Variants in KCNMB4 observed in about 807,000 individuals in gnomAD.
KCNMB4 encodes potassium calcium-activated channel subfamily M regulatory beta subunit 4.
KCNMB4 carries 3 observed loss-of-function variants against 20.7 expected under a neutral mutation model. The ratio of observed to expected loss-of-function variants is 0.14; its 90% CI spans 0.07 to 0.37. The LOEUF is 0.37. KCNMB4 is among the 10% of genes least tolerant of loss of function. The pLI, the probability that KCNMB4 is intolerant of heterozygous loss-of-function variation, is 1.00. For synonymous variants in KCNMB4, 110 were observed against 113.4 expected, an observed-to-expected ratio of 0.97 and a Z score of 0.19; for missense variants, 168 against 265.9, an observed-to-expected ratio of 0.63 and a Z score of 2.56.
rs189837780 is a variant in KCNMB4 at position 70,377,914 on chromosome 12, T to C, written c.336+10844T>C. Among the ~76,000 whole-genome samples the C allele has an allele frequency of 9.9e-5, 15 of 152,128 alleles. No homozygotes were observed. In the East Asian group the frequency reaches 2.9e-3, roughly 29 times the overall value. On this transcript the variant is annotated intron_variant, in intron 1 of 2. Coordinates refer to ENST00000258111, the MANE Select transcript of KCNMB4 (RefSeq NM_014505.6). ...CATGGGATTCCAGAAATTCAAGCTA[T>C]ACTTCTAATTCTAGTAGAATCTCTT... is the stretch of plus-strand genomic sequence containing the variant.
chr12:70,413,442 A>G (rs1593343415), intron 2 of KCNMB4, among the ~76,000 whole-genome samples: 1 of 152,290 alleles, frequency 6.6e-6, no homozygotes, highest in South Asian at 2.1e-4. Flanking sequence ...GCATCATCAG[A>G]TGGTGGAATG....
At chr12:70,369,822 T>G (rs965803182) in intron 1 of KCNMB4, among the ~76,000 whole-genome samples, 7 of 152,228 alleles carry the variant, frequency 4.6e-5, no homozygotes, top group African/African-American at 1.4e-4. Context: ...CCTTATTGTC[T>G]AAAGCAATCA....
chr12:70,366,697 G>A lies in KCNMB4; in HGVS notation c.-38G>A. 6.8e-7 allele frequency: 1 copy of A among 1,465,794 alleles called. No homozygotes were observed. Among genetic ancestry groups the A allele is most frequent in the Non-Finnish European group, 9.0e-7 (1 of 1,106,110 alleles). 90.8% of individuals were successfully genotyped at this position (1,465,794 alleles called of 1,614,324 possible). On this transcript the variant is annotated 5_prime_UTR_variant, in exon 1 of 3. Transcript: ENST00000258111. ...GGGCTCGGCGCCGGGGGCGGGAGGGGGCGGGGGGAGCACGCCAGCCGCCGA... is the reference window on the plus strand; with the variant it reads ...GGGCTCGGCGCCGGGGGCGGGAGGGAGCGGGGGGAGCACGCCAGCCGCCGA...
At chr12:70,392,821 G>T (rs1327720582) in intron 1 of KCNMB4, among the ~76,000 whole-genome samples, 1 of 152,136 alleles carries the variant, frequency 6.6e-6, no homozygotes, top group African/African-American at 2.4e-5. Flanking sequence ...ATCACACACT[G>T]GGGCCTGTTG....
intron 2 of KCNMB4, 50 bp downstream of exon 2, chr12:70,400,386 G>A: frequency 6.4e-7 from 1 of 1,562,664 alleles, no homozygotes; most frequent in Non-Finnish European, 8.7e-7. Context: ...AGACTCTGCA[G>A]CTTATTACAC....
chr12:70,369,811 T>C (rs1883558692), intron 1 of KCNMB4, among the ~76,000 whole-genome samples: 2 of 152,220 alleles, frequency 1.3e-5, no homozygotes, highest in South Asian at 2.1e-4. Flanking sequence ...TTGAATCATA[T>C]CCTTATTGTC....
intron 1 of KCNMB4, among the ~76,000 whole-genome samples, chr12:70,372,143 G>A (rs2136114418): frequency 6.6e-6 from 1 of 152,318 alleles, no homozygotes; most frequent in African/African-American, 2.4e-5. Context: ...AAGGCCCTGT[G>A]ACAAGTGTCT....
rs532974267 is a variant in KCNMB4 at position 70,403,622 on chromosome 12, A to C, written c.464+3286A>C. On this transcript the variant is annotated intron_variant, in intron 2 of 2. Coordinates refer to ENST00000258111, the MANE Select transcript of KCNMB4 (RefSeq NM_014505.6). ...ATTACAGGCGGGAGCCTCTGTGCCC[A>C]GCTAGAGGAACTTTAAAAAAAGAAA... 4.8e-3 allele frequency among the ~76,000 whole-genome samples: 737 copies of C among 152,290 alleles called. 8 individuals carry two copies. Among genetic ancestry groups the C allele is most frequent in the African/African-American group, 0.017 (693 of 41,570 alleles).
At chr12:70,403,504 T>A (rs1868513948) in intron 2 of KCNMB4, among the ~76,000 whole-genome samples, 1 of 152,170 alleles carries the variant, frequency 6.6e-6, no homozygotes, top group African/African-American at 2.4e-5. Context: ...AGCTAATTTT[T>A]GTATTATTTA....
chr12:70,378,456 A>G (rs1000668672), intron 1 of KCNMB4, among the ~76,000 whole-genome samples: 1 of 152,198 alleles, frequency 6.6e-6, no homozygotes, highest in African/African-American at 2.4e-5. Flanking sequence ...CCTTCCAGAA[A>G]GTTTTTCATT....
At chr12:70,375,055 G>C (rs1417010182) in intron 1 of KCNMB4, among the ~76,000 whole-genome samples, 1 of 152,042 alleles carries the variant, frequency 6.6e-6, no homozygotes, top group Non-Finnish European at 1.5e-5. Context: ...ATTACCTTTT[G>C]TTTTCTCTGT....
rs948552765 is a variant in KCNMB4 at position 70,433,689 on chromosome 12, A to T, written c.*3036A>T. Reference sequence around the variant, plus strand: ...CAAAAATGATAGCAGCCAATGGCCCATGCCGTGATAATCTGCTGAGCAGGC... The same window carrying T: ...CAAAAATGATAGCAGCCAATGGCCCTTGCCGTGATAATCTGCTGAGCAGGC... On this transcript the variant is annotated 3_prime_UTR_variant, in exon 3 of 3. Coordinates refer to ENST00000258111, the MANE Select transcript of KCNMB4 (RefSeq NM_014505.6). 1 of 152,284 alleles carries T rather than the reference A, an allele frequency of 6.6e-6. No individual in the cohort carries two copies. Among genetic ancestry groups the T allele is most frequent in the Non-Finnish European group, 1.5e-5 (1 of 68,062 alleles). 9.4% of individuals were successfully genotyped at this position (152,284 alleles called of 1,614,324 possible).
chr12:70,403,862 G>A (rs1405394579), intron 2 of KCNMB4, among the ~76,000 whole-genome samples: 1 of 152,194 alleles, frequency 6.6e-6, no homozygotes, highest in Non-Finnish European at 1.5e-5. Context: ...CTTTGTTTAT[G>A]TATCTCTAAT....
At chr12:70,377,466 A>G (rs1194993983) in intron 1 of KCNMB4, among the ~76,000 whole-genome samples, 1 of 152,240 alleles carries the variant, frequency 6.6e-6, no homozygotes, top group Non-Finnish European at 1.5e-5. Context: ...GCTAGTAATG[A>G]TCTGAGCATT....
At position 70,430,460 on chromosome 12, in the gene KCNMB4, T is replaced by C. The variant is rs375351628; in HGVS notation, c.465-25T>C. 4 of 1,611,420 alleles carry C rather than the reference T, an allele frequency of 2.5e-6. No homozygotes were observed. In the African/African-American group the frequency reaches 5.4e-5, roughly 22 times the overall value. ...TGCCAAGGCATTTGACTGCCCTTTC[T>C]TTCTTATTCTCCATTGTCTTGCAGA... On this transcript the variant is annotated intron_variant, in intron 2 of 2. Transcript: ENST00000258111.
intron 2 of KCNMB4, among the ~76,000 whole-genome samples, chr12:70,428,697 C>G (rs564973218): frequency 6.6e-6 from 1 of 152,172 alleles, no homozygotes; most frequent in Non-Finnish European, 1.5e-5. Flanking sequence ...GAGGCAGGCT[C>G]CTCTTTCTCA....
chr12:70,376,826 C>G (rs537309271), intron 1 of KCNMB4, among the ~76,000 whole-genome samples: 18 of 150,242 alleles, frequency 1.2e-4, no homozygotes, highest in African/African-American at 3.7e-4. Flanking sequence ...GAGCTGTGAT[C>G]ATGCCACTGC....
intron 2 of KCNMB4, among the ~76,000 whole-genome samples, chr12:70,409,569 A>G (rs1868711595): frequency 1.3e-5 from 2 of 152,188 alleles, no homozygotes; most frequent in Admixed American, 6.5e-5. Context: ...CCTTGCCTTC[A>G]TGGAGCCTAT....
At chr12:70,368,755 A>G (rs565633276) in intron 1 of KCNMB4, among the ~76,000 whole-genome samples, 1 of 152,312 alleles carries the variant, frequency 6.6e-6, no homozygotes, top group Non-Finnish European at 1.5e-5. Context: ...TCATATCTAT[A>G]TATACATATA....
Sources: gnomAD v4.1 joint callset for allele counts (sites outside exome capture counted in the v4.1 genomes callset) on GRCh38, gnomAD v4.1.1 for gene constraint, MANE v1.5 for transcripts, NCBI Gene and HGNC (gene_info 2026-07-23, HGNC 2026-07-21) for gene names.